PAG1: variants seen among roughly 807,000 people sequenced by gnomAD.
PAG1 encodes phosphoprotein membrane anchor with glycosphingolipid microdomains 1, also known as phosphoprotein associated with glycosphingolipid-enriched microdomains 1.
Under a neutral mutation model 31.7 loss-of-function variants are expected in PAG1, and 23 were observed. The ratio of observed to expected loss-of-function variants is 0.73; its 90% confidence interval spans 0.52 to 1.03. PAG1 has a LOEUF of 1.03. PAG1 is among the 50% of genes least tolerant of loss of function. The pLI, the probability that PAG1 is intolerant of heterozygous loss-of-function variation, is 0.00. For missense variants in PAG1, 473 were observed against 540.7 expected (o/e 0.87, Z 1.24); for synonymous variants, 214 against 210.3 (o/e 1.02, Z -0.15).
intron 2 of PAG1, among the ~76,000 whole-genome samples, chr8:81,052,143 A>AG (rs1447618205): frequency 6.6e-6 from 1 of 152,064 alleles, no homozygotes; most frequent in Non-Finnish European, 1.5e-5. Context: ...AAAAAAAAAA[A>AG]AAGACTATAA....
intron 2 of PAG1, among the ~76,000 whole-genome samples, chr8:81,053,272 C>T (rs368896370): frequency 3.0e-4 from 45 of 152,244 alleles, no homozygotes; most frequent in East Asian, 1.3e-3. Context: ...ACATTAATGA[C>T]GAATAACTTT....
chr8:80,999,938 AG>A (rs1260631371), intron 3 of PAG1, among the ~76,000 whole-genome samples: 3 of 152,152 alleles, frequency 2.0e-5, no homozygotes, highest in African/African-American at 7.2e-5. Flanking sequence ...GCAGAGTGCA[AG>A]GGCATGGTCT....
intron 1 of PAG1, among the ~76,000 whole-genome samples, chr8:81,111,047 G>A (rs1007661218): frequency 6.6e-6 from 1 of 152,190 alleles, no homozygotes. Context: ...CCCAGAGCTC[G>A]TTTTATTTGC....
chr8:80,986,383 CA>C (rs1807422399), intron 6 of PAG1, among the ~76,000 whole-genome samples: 1 of 152,124 alleles, frequency 6.6e-6, no homozygotes, highest in South Asian at 2.1e-4. Context: ...CATCAGTAAA[CA>C]GGGGTAACAG....
At chr8:81,102,039 T>C (rs1288215242) in intron 1 of PAG1, among the ~76,000 whole-genome samples, 1 of 152,188 alleles carries the variant, frequency 6.6e-6, no homozygotes, top group Non-Finnish European at 1.5e-5. Flanking sequence ...ACTAACTCTA[T>C]GCCCTGGATT....
In PAG1 at chr8:80,985,214, G is replaced by A. The variant is rs1044053583; in HGVS notation, c.438C>T (p.Leu146=). 6.8e-6 allele frequency: 11 copies of A among 1,613,946 alleles called. No homozygotes were observed. The African/African-American group carries it at 9.3e-5, about 14-fold the overall frequency. ...IPPESAVDTM[L]TARSVDGDQG... is the part of the protein sequence containing the mutation. ...GGTCCCCGTCCACACTTCTCGCCGT[G>A]AGCATGGTATCCACTGCGCTCTCGG... The change falls in exon 7 of 9, where the codon CTC becomes CTT. Residue 146 remains leucine (L), a synonymous_variant. Coordinates refer to ENST00000220597, the MANE Select transcript of PAG1 (RefSeq NM_018440.4).
intron 1 of PAG1, among the ~76,000 whole-genome samples, chr8:81,105,043 C>G (rs1264168323): frequency 1.3e-5 from 2 of 152,082 alleles, no homozygotes; most frequent in Non-Finnish European, 2.9e-5. Flanking sequence ...ATTCCCTGTT[C>G]CCTCTCTCAG....
intron 5 of PAG1, chr8:80,987,676 T>C: frequency 2.0e-6 from 1 of 494,690 alleles, no homozygotes; most frequent in Non-Finnish European, 3.7e-6. Context: ...CTGAACCCTA[T>C]ATAGACTATG....
chr8:81,092,289 C>T (rs960284247), intron 1 of PAG1, among the ~76,000 whole-genome samples: 1 of 149,988 alleles, frequency 6.7e-6, no homozygotes, highest in South Asian at 2.1e-4. Context: ...GGCGCTGAGG[C>T]GGGAGGATTG....
intron 1 of PAG1, among the ~76,000 whole-genome samples, chr8:81,079,587 C>T (rs1809232260): frequency 6.6e-6 from 1 of 151,972 alleles, no homozygotes. Context: ...TCAGACTGAG[C>T]ATATGAGACT....
At chr8:80,987,527 A>G (rs1807450658) in intron 5 of PAG1, 61 bp from the exon 6 acceptor site, 6 of 1,157,200 alleles carry the variant, frequency 5.2e-6, no homozygotes, top group Non-Finnish European at 7.8e-6. Context: ...TGGACTGCAG[A>G]GCAGAGGAGA....
intron 6 of PAG1, 90 bp downstream of exon 6, chr8:80,987,280 T>G: frequency 1.2e-6 from 1 of 824,526 alleles, no homozygotes; most frequent in South Asian, 1.4e-5. Context: ...AATAACACAT[T>G]TCCTACTTTT....
chr8:81,110,787 A>G (rs576091812), intron 1 of PAG1, among the ~76,000 whole-genome samples: 6 of 152,216 alleles, frequency 3.9e-5, no homozygotes, highest in Non-Finnish European at 8.8e-5. Context: ...AGACACTCCA[A>G]TTTGAAGAGT....
intron 1 of PAG1, among the ~76,000 whole-genome samples, chr8:81,083,331 G>A (rs1809299209): frequency 6.6e-6 from 1 of 152,144 alleles, no homozygotes; most frequent in Non-Finnish European, 1.5e-5. Context: ...TAGGAGTTGG[G>A]GAGGGTAGAA....
chr8:81,097,070 G>A lies in PAG1; in HGVS notation c.-234+14521C>T, dbSNP rs115613067. Among the ~76,000 whole-genome samples the A allele has an allele frequency of 1.2e-3, 186 of 152,328 alleles. 1 individual carries two copies. Among genetic ancestry groups the A allele is most frequent in the African/African-American group, 4.4e-3 (181 of 41,572 alleles). On this transcript the variant is annotated intron_variant, in intron 1 of 8. Coordinates refer to ENST00000220597, the MANE Select transcript of PAG1 (RefSeq NM_018440.4). ...TTGCTCTCATTACCTACAACAGACAGGTATTACACCCTATGCACCAGTGGT... is the reference window on the plus strand; with the variant it reads ...TTGCTCTCATTACCTACAACAGACAAGTATTACACCCTATGCACCAGTGGT...
Position 80,976,397 on chromosome 8 carries a change from TG to T in PAG1, c.*146del. 1 of 778,468 alleles carries T rather than the reference TG, an allele frequency of 1.3e-6. No individual in the cohort carries two copies. Among genetic ancestry groups the T allele is most frequent in the Non-Finnish European group, 2.0e-6 (1 of 493,448 alleles). The allele number at this position is 778,468 out of a possible 1,614,324, so 48.2% of individuals were successfully genotyped here. ...CTCTCTGTCTCAGAAACTGAACAACTGGGAGAACAGTCGACAGGGCCTCTCC... is the reference window on the plus strand; with the variant it reads ...CTCTCTGTCTCAGAAACTGAACAACTGGAGAACAGTCGACAGGGCCTCTCC... On this transcript the variant is annotated 3_prime_UTR_variant, in exon 9 of 9. Transcript: ENST00000220597.
chr8:81,024,356 G>A (rs908815109), intron 3 of PAG1, among the ~76,000 whole-genome samples: 2 of 152,142 alleles, frequency 1.3e-5, no homozygotes, highest in Admixed American at 6.5e-5. Context: ...GCACAAAGGA[G>A]GCCATCTGGA....
intron 3 of PAG1, among the ~76,000 whole-genome samples, chr8:81,016,920 G>A (rs1384957593): frequency 6.6e-6 from 1 of 152,158 alleles, no homozygotes; most frequent in East Asian, 1.9e-4. Flanking sequence ...TGACCCTGCT[G>A]ATGACTGAGA....
chr8:81,053,548 C>G (rs1357529481), intron 2 of PAG1, among the ~76,000 whole-genome samples: 2 of 152,192 alleles, frequency 1.3e-5, no homozygotes, highest in Non-Finnish European at 2.9e-5. Context: ...ACTGAGAATA[C>G]TAGAATGATC....
Sources: gnomAD v4.1 joint callset for allele counts (sites outside exome capture counted in the v4.1 genomes callset) on GRCh38, gnomAD v4.1.1 for gene constraint, MANE v1.5 for transcripts, NCBI Gene and HGNC (gene_info 2026-07-23, HGNC 2026-07-21) for gene names.